ANKRD24: variants seen among roughly 807,000 people sequenced by gnomAD.
ANKRD24 encodes the protein ankyrin repeat domain-containing protein 24.
Under a neutral mutation model 127.8 loss-of-function variants are expected in ANKRD24, and 109 were observed. The observed-to-expected ratio is 0.85, with a 90% CI of 0.73 to 1.00. The LOEUF (loss-of-function observed/expected upper bound fraction) is 1.00, where lower values mean the gene tolerates loss of function less well. ANKRD24 is among the 50% of genes least tolerant of loss of function. The pLI is 0.00. For missense variants in ANKRD24, 1,648 were observed against 1,570.2 expected (o/e 1.05, Z -0.84); for synonymous variants, 743 against 671.1 (o/e 1.11, Z -1.66).
Position 4,198,355 on chromosome 19 carries a change from C to A in ANKRD24, c.37-1328C>A. ...GGGGCGGCACCAGGGAGGGCGGGAC[C>A]GGGCGGGCGGGCGGGGCGGGGAGCT... On this transcript the variant is annotated intron_variant, in intron 2 of 21. Coordinates refer to ENST00000318934, the MANE Select transcript of ANKRD24 (RefSeq NM_001393985.1). This position sits in a 1 kb window ranked among gnomAD's most constrained non-coding sequence, Gnocchi z 6.1. 3.5e-5 allele frequency: 1 copy of A among 28,414 alleles called. No homozygotes were observed. Among genetic ancestry groups the A allele is most frequent in the Non-Finnish European group, 6.0e-5 (1 of 16,726 alleles). The allele number at this position is 28,414 out of a possible 1,614,324, so 1.8% of individuals were successfully genotyped here.
At position 4,207,623 on chromosome 19, in the gene ANKRD24, C is replaced by T. The variant is rs1334330816; in HGVS notation, c.644+16C>T. ...TGCAAGGCAGGTGAGCATCTCCCCT[C>T]CCAGCCAGTCCACCCTATGCTGTGT... On this transcript the variant is annotated intron_variant, in intron 9 of 21. Transcript: ENST00000318934. 1 of 1,611,144 alleles carries T rather than the reference C, an allele frequency of 6.2e-7. No individual in the cohort carries two copies.
chr19:4,199,222 C>G lies in ANKRD24; in HGVS notation c.37-461C>G, dbSNP rs1391557868. 6.6e-6 allele frequency among the ~76,000 whole-genome samples: 1 copy of G among 151,880 alleles called. No homozygotes were observed. The highest frequency in any genetic ancestry group is 2.4e-5 in the African/African-American group (1 of 41,342). On this transcript the variant is annotated intron_variant, in intron 2 of 21. Coordinates refer to ENST00000318934, the MANE Select transcript of ANKRD24 (RefSeq NM_001393985.1). This position sits in a 1 kb window ranked among gnomAD's most constrained non-coding sequence, Gnocchi z 5.2. Reference sequence around the variant, plus strand: ...GCTGGGGGCGATGTTGCAGGGGTGGCTTTCACTAAGGGATGAATTGGGGGA... The same window carrying G: ...GCTGGGGGCGATGTTGCAGGGGTGGGTTTCACTAAGGGATGAATTGGGGGA...
Position 4,210,084 on chromosome 19 carries a change from G to A in ANKRD24, c.897G>A (p.Gln299=), listed in dbSNP as rs775467123. Residue 299 remains glutamine, a synonymous_variant, in exon 12 of 22, where the codon CAG becomes CAA. Coordinates refer to ENST00000318934, the MANE Select transcript of ANKRD24 (RefSeq NM_001393985.1). ...SQNSMSSHGK[Q]GAPKKRKAPP... ...ACTCTATGTCCAGCCATGGAAAGCA[G>A]GGGGCCCCCAAGAAGCGGAAGGCGC... The A allele has an allele frequency of 6.2e-7, 1 of 1,612,324 alleles. No homozygotes were observed.
rs752175749 is a variant in ANKRD24 at position 4,218,050 on chromosome 19, C to G, written c.2890C>G (p.Leu964Val). 6.4e-7 allele frequency: 1 copy of G among 1,560,602 alleles called. No individual in the cohort carries two copies. Among genetic ancestry groups the G allele is most frequent in the Non-Finnish European group, 8.6e-7 (1 of 1,157,542 alleles). Reference protein sequence around the residue: ...LERERVCSVALSEHERIVGTL... With the variant: ...LERERVCSVAVSEHERIVGTL... Reference sequence around the variant, plus strand: ...GCGGGAGCGTGTGTGCAGCGTGGCGCTCTCGGAGCACGAACGCATCGTGGG... The same window carrying G: ...GCGGGAGCGTGTGTGCAGCGTGGCGGTCTCGGAGCACGAACGCATCGTGGG... Residue 964 changes from leucine to valine, a missense_variant, in exon 18 of 22, where the codon CTC becomes GTC. By Grantham distance (32) the Leu-to-Val change is conservative. Transcript: ENST00000318934.
chr19:4,216,787 C>T lies in ANKRD24; in HGVS notation c.1627C>T (p.His543Tyr), dbSNP rs1469616082. Residue 543 changes from histidine (H) to tyrosine (Y), a missense_variant, in exon 18 of 22, where the codon CAC becomes TAC. His to Tyr is a moderately conservative substitution (Grantham distance 83). Transcript: ENST00000318934. ...GATATKNGPT[H>Y]MELNGSVAPE... is the part of the protein sequence containing the mutation. ...CACGGCCACCAAAAACGGGCCAACC[C>T]ACATGGAGCTAAATGGCTCAGTGGC... 6.2e-6 allele frequency: 10 copies of T among 1,600,118 alleles called. No individual in the cohort carries two copies. The highest frequency in any genetic ancestry group is 8.5e-6 in the Non-Finnish European group (10 of 1,173,768).
In ANKRD24 at chr19:4,217,959, A is replaced by G. The variant is rs6510794; in HGVS notation, c.2799A>G (p.Ala933=). ...AGGCCCTGGAGCTGCGGGGCCGGGC[A>G]GCCAGTCTGGAGCAGGAGGTGGTGG... is the stretch of plus-strand genomic sequence containing the variant. ...QEEALELRGR[A]ASLEQEVVAT... Residue 933 remains alanine, a synonymous_variant, in exon 18 of 22, where the codon GCA becomes GCG. Coordinates refer to ENST00000318934, the MANE Select transcript of ANKRD24 (RefSeq NM_001393985.1). The G allele has an allele frequency of 0.45, 672,986 of 1,507,258 alleles. 151,786 individuals carry two copies. The highest frequency in any genetic ancestry group is 0.52 in the African/African-American group (35,698 of 69,286). 93.4% of individuals were successfully genotyped at this position (1,507,258 alleles called of 1,614,324 possible).
intron 2 of ANKRD24, among the ~76,000 whole-genome samples, chr19:4,190,211 G>A (rs958737852): frequency 1.3e-5 from 2 of 151,284 alleles, no homozygotes; most frequent in Non-Finnish European, 2.9e-5. Context: ...CGAGGTGGGT[G>A]GGTCACGAGG....
chr19:4,216,242 G>T, intron 16 of ANKRD24, 42 bp from the exon 17 acceptor site: 1 of 1,527,006 alleles, frequency 6.5e-7, no homozygotes, highest in Non-Finnish European at 8.9e-7. Flanking sequence ...CTGTCCCCCT[G>T]TGGCCCAGGT....
At chr19:4,193,443 C>T (rs1338698172) in intron 2 of ANKRD24, among the ~76,000 whole-genome samples, 1 of 151,940 alleles carries the variant, frequency 6.6e-6, no homozygotes, top group African/African-American at 2.4e-5. Context: ...GTGCTCCAGG[C>T]AGAAGGAGCT....
rs1162164276 is a variant in ANKRD24 at position 4,207,552 on chromosome 19, T to C, written c.589T>C (p.Cys197Arg). Reference sequence around the variant, plus strand: ...AGCTCAGATGTGTCACACAGACCTGTGCCGTCTCCTACTGCAGCAAGGGGC... The same window carrying C: ...AGCTCAGATGTGTCACACAGACCTGCGCCGTCTCCTACTGCAGCAAGGGGC... ...IAAQMCHTDL[C>R]RLLLQQGAAA... Residue 197 changes from cysteine (C) to arginine (R), a missense_variant, in exon 9 of 22, where the codon TGC (cysteine) becomes CGC (arginine). Cys to Arg is a radical substitution (Grantham distance 180). Transcript: ENST00000318934. 2 of 1,613,918 alleles carry C rather than the reference T, an allele frequency of 1.2e-6. No homozygotes were observed. Among genetic ancestry groups the C allele is most frequent in the Non-Finnish European group, 1.7e-6 (2 of 1,179,884 alleles).
In ANKRD24 at chr19:4,217,926, G is replaced by A. The variant is rs1201531608; in HGVS notation, c.2766G>A (p.Leu922=). The A allele has an allele frequency of 3.1e-5, 46 of 1,495,592 alleles. No individual in the cohort carries two copies. In the East Asian group the frequency reaches 1.2e-3, roughly 40 times the overall value. 92.6% of individuals were successfully genotyped at this position (1,495,592 alleles called of 1,614,324 possible). Residue 922 remains leucine, a synonymous_variant, in exon 18 of 22, where the codon CTG becomes CTA. Transcript: ENST00000318934. ...SVVPASEHRR[L]QEEALELRGR... is the part of the protein sequence containing the mutation. ...TGCCGGCCTCTGAGCACCGCCGGCT[G>A]CAGGAGGAGGCCCTGGAGCTGCGGG...
At chr19:4,194,508 G>A (rs1161282958) in intron 2 of ANKRD24, among the ~76,000 whole-genome samples, 5 of 152,188 alleles carry the variant, frequency 3.3e-5, no homozygotes, top group Middle Eastern at 3.4e-3. Flanking sequence ...TTCTTATTTT[G>A]CTTTTCTCTC....
chr19:4,220,120 C>T (rs375220826), intron 19 of ANKRD24, among the ~76,000 whole-genome samples: 11 of 152,024 alleles, frequency 7.2e-5, no homozygotes, highest in African/African-American at 2.4e-4. Flanking sequence ...TACAGGCATG[C>T]GACACCACAC....
Position 4,224,195 on chromosome 19 carries a change from G to A in ANKRD24, c.3363+3G>A. ...GCCACCTCCTATATGCCATTCAGGTGAGTGGCCCAGCTCCTGGGTACCCGG... is the reference window on the plus strand; with the variant it reads ...GCCACCTCCTATATGCCATTCAGGTAAGTGGCCCAGCTCCTGGGTACCCGG... On this transcript the variant is annotated splice_donor_region_variant and intron_variant, in intron 21 of 21. Coordinates refer to ENST00000318934, the MANE Select transcript of ANKRD24 (RefSeq NM_001393985.1). 1 of 1,609,312 alleles carries A rather than the reference G, an allele frequency of 6.2e-7. No individual in the cohort carries two copies. Among genetic ancestry groups the A allele is most frequent in the Non-Finnish European group, 8.5e-7 (1 of 1,178,026 alleles).
intron 2 of ANKRD24, among the ~76,000 whole-genome samples, chr19:4,191,475 TTTTA>T (rs968764781): frequency 4.1e-4 from 63 of 152,018 alleles, no homozygotes; most frequent in African/African-American, 1.4e-3. Flanking sequence ...TTTCTTTTAT[TTTTA>T]TTTATTTATT....
chr19:4,222,856 C>T (rs902621094), intron 20 of ANKRD24, 61 bp downstream of exon 20: 32 of 1,506,438 alleles, frequency 2.1e-5, no homozygotes, highest in East Asian at 1.2e-4. Context: ...CAAATATTTA[C>T]CAATCAGCAC....
At chr19:4,200,914 A>C (rs1231885233) in intron 5 of ANKRD24, among the ~76,000 whole-genome samples, 1 of 152,198 alleles carries the variant, frequency 6.6e-6, no homozygotes, top group Non-Finnish European at 1.5e-5. Flanking sequence ...TTTGAGGTGC[A>C]TCTGGGATAT....
chr19:4,212,950 G>A lies in ANKRD24; in HGVS notation c.1197+252G>A, dbSNP rs144857170. On this transcript the variant is annotated intron_variant, in intron 15 of 21. Transcript: ENST00000318934. ...GATCGAGACTGTCCTGGCCAACATG[G>A]TGAAACCCCGTCTCTACTACAAATA... Among the ~76,000 whole-genome samples, 846 of 152,292 alleles carry A rather than the reference G, an allele frequency of 5.6e-3. 9 individuals carry two copies. Among genetic ancestry groups the A allele is most frequent in the African/African-American group, 0.017 (716 of 41,566 alleles).
chr19:4,188,519 G>C (rs1800437224), intron 2 of ANKRD24, among the ~76,000 whole-genome samples: 1 of 151,338 alleles, frequency 6.6e-6, no homozygotes, highest in Non-Finnish European at 1.5e-5. Flanking sequence ...AAAGTGCAGA[G>C]ACTATAGGCG....
Sources: gnomAD v4.1 joint callset for allele counts (sites outside exome capture counted in the v4.1 genomes callset) on GRCh38, gnomAD v4.1.1 for gene constraint, Gnocchi (gnomAD v3.1) non-coding constraint, MANE v1.5 for transcripts, NCBI Gene and HGNC (gene_info 2026-07-23, HGNC 2026-07-21) for gene names.